CHAT: variants seen among roughly 807,000 people sequenced by gnomAD.
CHAT encodes the protein choline O-acetyltransferase, also known as acetyl CoA:choline O-acetyltransferase.
A neutral mutation model predicts 76.9 loss-of-function variants in CHAT; 61 were observed. The ratio of observed to expected loss-of-function variants is 0.79; its 90% CI spans 0.65 to 0.98. The LOEUF (loss-of-function observed/expected upper bound fraction) is 0.98. Among genes scored for constraint, CHAT ranks in the 50% least tolerant of loss-of-function variants. The probability of loss-of-function intolerance (pLI) is 0.00; values close to 1 mark genes in which losing one functional copy is unlikely to be tolerated. For missense variants in CHAT, 946 were observed against 986.9 expected, an observed-to-expected ratio of 0.96 and a Z score of 0.56; for synonymous variants, 407 against 397.4, an observed-to-expected ratio of 1.02 and a Z score of -0.29.
At chr10:49,643,836 C>A (rs1336329072) in intron 7 of CHAT, among the ~76,000 whole-genome samples, 2 of 152,240 alleles carry the variant, frequency 1.3e-5, no homozygotes, top group African/African-American at 4.8e-5. Flanking sequence ...CCAGCATGGA[C>A]TGTGCTTGCC....
intron 2 of CHAT, among the ~76,000 whole-genome samples, chr10:49,618,667 T>C (rs1345337285): frequency 6.6e-6 from 1 of 152,134 alleles, no homozygotes; most frequent in Non-Finnish European, 1.5e-5. Context: ...AGTCACAAAA[T>C]TGAAGCCACA....
rs202125860 is a variant in CHAT, at chr10:49,649,567, G to A, written c.1442G>A (p.Arg481Gln). 5.0e-6 allele frequency: 8 copies of A among 1,613,868 alleles called. No individual in the cohort carries two copies. Among genetic ancestry groups the A allele is most frequent in the Admixed American group, 1.7e-5 (1 of 60,022 alleles). ...TCCGTCAGCGAGCTCCCCGCCCCCC[G>A]GAGGCTGCGGTGGAAATGCTCCCCG... ...ADSVSELPAP[R>Q]RLRWKCSPEI... Residue 481 changes from arginine to glutamine, a missense_variant, in exon 10 of 15, where the codon CGG becomes CAG. By Grantham distance (43) the Arg-to-Gln change is conservative (BLOSUM62 1). This residue lies in a region of CHAT where 349 missense variants were observed against 393.9 expected (regional missense o/e 0.89). Coordinates refer to ENST00000337653, the MANE Select transcript of CHAT (RefSeq NM_020549.5).
At chr10:49,643,178 T>C (rs1839543867) in intron 7 of CHAT, among the ~76,000 whole-genome samples, 1 of 152,272 alleles carries the variant, frequency 6.6e-6, no homozygotes, top group African/African-American at 2.4e-5. Context: ...TCAATATGCA[T>C]GTTTAGATTG....
chr10:49,619,954 G>A (rs371705687), intron 3 of CHAT, 38 bp downstream of exon 3: 43 of 1,585,890 alleles, frequency 2.7e-5, no homozygotes, highest in Middle Eastern at 1.7e-4. Flanking sequence ...GAAGAGGGGC[G>A]GGAGGCAGAC....
Position 49,614,373 on chromosome 10 carries a change from C to T in CHAT, c.184C>T (p.Arg62Cys), listed in dbSNP as rs1056582610. Reference protein sequence around the residue: ...AGNPGCSPHPRAATRPPPLPA... With the variant: ...AGNPGCSPHPCAATRPPPLPA... ...GAACCCAGGCTGCAGCCCCCACCCC[C>T]GCGCTGCGACACGCCCCCCACCCCT... is the stretch of plus-strand genomic sequence containing the variant. The change falls in exon 1 of 15, where the codon CGC becomes TGC. Residue 62 changes from arginine (R) to cysteine (C), a missense_variant. Transcript: ENST00000337653. The T allele has an allele frequency of 6.5e-7, 1 of 1,544,194 alleles. No individual in the cohort carries two copies. The highest frequency in any genetic ancestry group is 8.7e-7 in the Non-Finnish European group (1 of 1,144,090).
At chr10:49,614,707 G>C (rs113821228) in intron 1 of CHAT, among the ~76,000 whole-genome samples, 2 of 152,232 alleles carry the variant, frequency 1.3e-5, no homozygotes, top group African/African-American at 4.8e-5. Flanking sequence ...GACTCCAAGC[G>C]CATGTTCTCA....
upstream of CHAT, among the ~76,000 whole-genome samples, chr10:49,613,688 G>A (rs1838365050): frequency 6.6e-6 from 1 of 151,964 alleles, no homozygotes; most frequent in African/African-American, 2.4e-5. Context: ...CTGGGGTGGG[G>A]GATGCTTTTG....
chr10:49,644,660 CAGAGT>C (rs145782430), intron 7 of CHAT, among the ~76,000 whole-genome samples: 2,301 of 152,278 alleles, frequency 0.015, 41 homozygotes, highest in African/African-American at 0.041. Flanking sequence ...GCTGGCTTCC[CAGAGT>C]AGAAGGTCTG....
At chr10:49,646,709 C>A in intron 8 of CHAT, 35 bp downstream of exon 8, 1 of 1,609,546 alleles carries the variant, frequency 6.2e-7, no homozygotes, top group East Asian at 2.2e-5. Flanking sequence ...AGAGCACAGC[C>A]ATGCCCCCAG....
At chr10:49,610,714 T>C (rs775213630), upstream of CHAT, 7 of 1,468,080 alleles carry the variant, frequency 4.8e-6, no homozygotes, top group Admixed American at 1.6e-4. Flanking sequence ...GGCGGAGGCG[T>C]CCTCGGAAGA....
upstream of CHAT, chr10:49,611,892 G>C (rs1838308269): frequency 6.2e-7 from 1 of 1,610,922 alleles, no homozygotes; most frequent in African/African-American, 1.3e-5. Context: ...CGCCGCTAGT[G>C]GTCTCACTAT....
At chr10:49,647,740 TTTCCTTCCTTCC>T (rs146751288) in intron 8 of CHAT, among the ~76,000 whole-genome samples, 4,840 of 140,294 alleles carry the variant, frequency 0.034, 145 homozygotes, top group African/African-American at 0.069. Flanking sequence ...AAGACACCGC[TTTCCTTCCTTCC>T]TTCCTTCCTT....
intron 2 of CHAT, 68 bp downstream of exon 2, chr10:49,616,670 G>C (rs1838509730): frequency 2.7e-6 from 3 of 1,121,712 alleles, no homozygotes; most frequent in African/African-American, 3.1e-5. Context: ...TTCTAGAACA[G>C]TCCTGAGTGG....
At chr10:49,619,957 A>C (rs2132711366) in intron 3 of CHAT, 41 bp downstream of exon 3, 2 of 1,582,446 alleles carry the variant, frequency 1.3e-6, no homozygotes, top group Non-Finnish European at 1.7e-6. Flanking sequence ...GAGGGGCGGG[A>C]GGCAGACCTG....
chr10:49,640,964 C>T (rs1839459681), intron 7 of CHAT, among the ~76,000 whole-genome samples: 1 of 152,230 alleles, frequency 6.6e-6, no homozygotes, highest in Admixed American at 6.5e-5. Context: ...GTGTATTAGT[C>T]TGTAGAGCTG....
chr10:49,620,563 T>C lies in CHAT; in HGVS notation c.648T>C (p.Pro216=). 1 of 1,613,892 alleles carries C rather than the reference T, an allele frequency of 6.2e-7. No individual in the cohort carries two copies. The change falls in exon 4 of 15, where the codon CCT becomes CCC. Residue 216 remains proline, a synonymous_variant. Coordinates refer to ENST00000337653, the MANE Select transcript of CHAT (RefSeq NM_020549.5). ...TGGCCCTGCCTGTCAACTCCAGCCC[T>C]GCCGTGATCTTTGCTCGGCAGCACT... ...NRLALPVNSS[P]AVIFARQHFP...
rs189634635 is a variant in CHAT, at chr10:49,665,181, C to A, written c.*135C>A. The A allele has an allele frequency of 3.2e-6, 3 of 938,528 alleles. No individual in the cohort carries two copies. The East Asian group carries it at 7.3e-5, about 23-fold the overall frequency. 58.1% of individuals were successfully genotyped at this position (938,528 alleles called of 1,614,324 possible). On this transcript the variant is annotated 3_prime_UTR_variant, in exon 15 of 15. Coordinates refer to ENST00000337653, the MANE Select transcript of CHAT (RefSeq NM_020549.5). ...GTCCAACTCACAGACCATACAGAGACATCACACAGAGCCGGAGTGTTAGGA... is the reference window on the plus strand; with the variant it reads ...GTCCAACTCACAGACCATACAGAGAAATCACACAGAGCCGGAGTGTTAGGA...
intron 13 of CHAT, among the ~76,000 whole-genome samples, chr10:49,657,045 A>G (rs566143760): frequency 6.6e-6 from 1 of 152,216 alleles, no homozygotes; most frequent in Admixed American, 6.5e-5. Context: ...AACATGTTAG[A>G]GCTGGAAAGT....
intron 2 of CHAT, among the ~76,000 whole-genome samples, chr10:49,617,662 C>A (rs1438557833): frequency 3.9e-5 from 6 of 152,166 alleles, no homozygotes; most frequent in African/African-American, 1.4e-4. Context: ...TCTAGCCAGA[C>A]TTGTGGGCCC....
Sources: gnomAD v4.1 joint callset for allele counts (sites outside exome capture counted in the v4.1 genomes callset) on GRCh38, gnomAD v4.1.1 for gene constraint, gnomAD v4.1.1 regional missense constraint, MANE v1.5 for transcripts, NCBI Gene and HGNC (gene_info 2026-07-23, HGNC 2026-07-21) for gene names.